The following GLRA2 variants were observed in gnomAD, a reference collection of about 807,000 sequenced individuals.
The protein encoded by GLRA2 is glycine receptor alpha 2, also known as glycine receptor subunit alpha-2.
A neutral mutation model predicts 31.6 loss-of-function variants in GLRA2; 11 were observed. That is an observed-to-expected ratio of 0.35 (90% confidence interval 0.22 to 0.58). GLRA2 has a LOEUF of 0.58. Among genes scored for constraint, GLRA2 ranks in the 20% least tolerant of loss-of-function variants. The probability of loss-of-function intolerance (pLI) is 0.84; values close to 1 mark genes in which losing one functional copy is unlikely to be tolerated. For synonymous variants in GLRA2, 132 were observed against 134.0 expected, an observed-to-expected ratio of 0.99 and a Z score of 0.10; for missense variants, 212 against 351.8, an observed-to-expected ratio of 0.60 and a Z score of 3.18.
the GLRA2 span, among the ~76,000 whole-genome samples, chrX:14,473,353 T>C: frequency 2.7e-5 from 3 of 111,966 alleles, no homozygotes; most frequent in Admixed American, 2.8e-4. Context: ...ATTCCATTAG[T>C]GTAGTGGTTC....
chrX:14,587,686 T>C (rs2090095202), intron 4 of GLRA2, among the ~76,000 whole-genome samples: 1 of 111,887 alleles, frequency 8.9e-6, no homozygotes. Flanking sequence ...TTCTGGATAT[T>C]AGGCTTTTAT....
intron 7 of GLRA2, among the ~76,000 whole-genome samples, chrX:14,678,711 A>G (rs1275689262): frequency 8.9e-6 from 1 of 112,037 alleles, no homozygotes; most frequent in African/African-American, 3.2e-5. Flanking sequence ...GGCTGAGGGA[A>G]TAATTTGAGA....
At chrX:14,464,083 T>C in the GLRA2 span, among the ~76,000 whole-genome samples, 2 of 112,515 alleles carry the variant, frequency 1.8e-5, no homozygotes, top group Non-Finnish European at 1.9e-5. Flanking sequence ...ATTATAGATA[T>C]TAATTCCCCA....
In GLRA2 at chrX:14,730,869, T is replaced by C. The variant is rs1162764533; in HGVS notation, c.*384T>C. 1 of 166,610 alleles carries C rather than the reference T, an allele frequency of 6.0e-6. No homozygotes were observed. Among genetic ancestry groups the C allele is most frequent in the Non-Finnish European group, 1.1e-5 (1 of 89,557 alleles). The allele number at this position is 166,610 out of a possible 1,213,427, so 13.7% of individuals were successfully genotyped here. A position where few individuals can be genotyped will look rare whatever the true frequency, so the allele number is the denominator to read the frequency against. ...TTGGTTTGGTTTGGCTTTGACTAAT[T>C]CTGGTACTGAAAAGTTAGCTATACA... On this transcript the variant is annotated 3_prime_UTR_variant, in exon 9 of 9. Transcript: ENST00000218075.
In GLRA2 at chrX:14,605,338, T is replaced by C. The variant is rs192185379; in HGVS notation, c.577+941T>C. Among the ~76,000 whole-genome samples, 158 of 112,042 alleles carry C rather than the reference T, an allele frequency of 1.4e-3. 1 individual carries two copies. The highest frequency in any genetic ancestry group is 4.9e-3 in the African/African-American group (152 of 30,970). ...TCATTCTGATCATCTAAAATCACTA[T>C]GGATTTCCCTTGAAACATCCCAGAG... On this transcript the variant is annotated intron_variant, in intron 5 of 8. Transcript: ENST00000218075.
chrX:14,564,280 T>C (rs907291377), intron 2 of GLRA2, among the ~76,000 whole-genome samples: 27 of 107,341 alleles, frequency 2.5e-4, no homozygotes, highest in African/African-American at 9.2e-4. Flanking sequence ...GTGGAAACCA[T>C]AAGGGCCAGA....
chrX:14,607,069 G>A (rs2090342134), intron 5 of GLRA2, 62 bp from the exon 6 acceptor site: 3 of 839,853 alleles, frequency 3.6e-6, no homozygotes, highest in Admixed American at 2.5e-5. Flanking sequence ...CTTTACATGG[G>A]TAGACTTTCA....
rs141836631 is a variant in GLRA2 at position 14,666,853 on chromosome X, A to G, written c.931-23857A>G. On this transcript the variant is annotated intron_variant, in intron 7 of 8. Transcript: ENST00000218075. ...CTGTACAGCTAGGAAGAGGCAAGAC[A>G]GGATTTAGACCCTCAAAGTCCAATA... 3.3e-3 allele frequency among the ~76,000 whole-genome samples: 371 copies of G among 112,251 alleles called. 4 individuals carry two copies. The highest frequency in any genetic ancestry group is 0.012 in the African/African-American group (357 of 30,949).
intron 2 of GLRA2, among the ~76,000 whole-genome samples, chrX:14,569,400 A>C (rs918512290): frequency 3.6e-5 from 4 of 112,644 alleles, no homozygotes; most frequent in African/African-American, 9.7e-5. Context: ...GAACATGTAA[A>C]GAACTACAAT....
chrX:14,526,374 T>G (rs967780023), upstream of GLRA2, among the ~76,000 whole-genome samples: 1 of 112,472 alleles, frequency 8.9e-6, no homozygotes, highest in Admixed American at 9.4e-5. Context: ...CCAGGGGCTG[T>G]GACATAATCA....
At chrX:14,506,829 A>G in the GLRA2 span, among the ~76,000 whole-genome samples, 2 of 111,309 alleles carry the variant, frequency 1.8e-5, no homozygotes, top group South Asian at 7.7e-4. Flanking sequence ...GTGTAATCAA[A>G]CTCTATGGAT....
chrX:14,607,565 T>C (rs1601759860), intron 6 of GLRA2, among the ~76,000 whole-genome samples: 2 of 111,521 alleles, frequency 1.8e-5, no homozygotes, highest in South Asian at 7.5e-4. Context: ...AGGAAAGATG[T>C]AGAAAACCTC....
intron 7 of GLRA2, among the ~76,000 whole-genome samples, chrX:14,630,465 T>C (rs2090632265): frequency 8.9e-6 from 1 of 111,980 alleles, no homozygotes; most frequent in Non-Finnish European, 1.9e-5. Flanking sequence ...TTCATCAAGC[T>C]TCTTAGATTT....
chrX:14,694,745 C>T (rs2091416099), intron 8 of GLRA2, among the ~76,000 whole-genome samples: 1 of 112,474 alleles, frequency 8.9e-6, no homozygotes, highest in South Asian at 3.6e-4. Context: ...GAATACGTTG[C>T]TTCACAGGAC....
Position 14,731,337 on chromosome X carries a change from A to T in GLRA2, c.*852A>T, listed in dbSNP as rs772632148. 8.0e-5 allele frequency: 9 copies of T among 111,986 alleles called. No individual in the cohort carries two copies. The highest frequency in any genetic ancestry group is 1.7e-4 in the Non-Finnish European group (9 of 53,170). 9.2% of individuals were successfully genotyped at this position (111,986 alleles called of 1,213,427 possible). On this transcript the variant is annotated 3_prime_UTR_variant, in exon 9 of 9. Coordinates refer to ENST00000218075, the MANE Select transcript of GLRA2 (RefSeq NM_002063.4). ...ATCCAAGTTAGTGCATTATATATAT[A>T]TTTTTGCTTTGGCTATATTTACACG...
At chrX:14,621,109 T>C (rs561211913) in intron 7 of GLRA2, among the ~76,000 whole-genome samples, 4 of 111,629 alleles carry the variant, frequency 3.6e-5, no homozygotes, top group Non-Finnish European at 7.5e-5. Flanking sequence ...TAAGTAGTTA[T>C]TGTGGAAGTA....
the GLRA2 span, among the ~76,000 whole-genome samples, chrX:14,474,979 G>A: frequency 8.9e-6 from 1 of 111,999 alleles, no homozygotes; most frequent in African/African-American, 3.2e-5. Flanking sequence ...TGTAGCCCTT[G>A]TTGCAATCTA....
At chrX:14,689,294 TAC>T (rs2091316760) in intron 7 of GLRA2, among the ~76,000 whole-genome samples, 1 of 112,520 alleles carries the variant, frequency 8.9e-6, no homozygotes, top group African/African-American at 3.2e-5. Flanking sequence ...CAGCAAAACT[TAC>T]AGTCATAAAA....
At chrX:14,612,554 C>G (rs1012096454) in intron 7 of GLRA2, among the ~76,000 whole-genome samples, 1 of 111,028 alleles carries the variant, frequency 9.0e-6, no homozygotes, top group African/African-American at 3.3e-5. Context: ...ATTCACAATA[C>G]CAAAGACTTG....
Sources: gnomAD v4.1 joint callset for allele counts (sites outside exome capture counted in the v4.1 genomes callset) on GRCh38, gnomAD v4.1.1 for gene constraint, MANE v1.5 for transcripts, NCBI Gene and HGNC (gene_info 2026-07-23, HGNC 2026-07-21) for gene names.